BMPER: variants seen among roughly 807,000 people sequenced by gnomAD.
BMPER encodes BMP binding endothelial regulator.
A neutral mutation model predicts 87.3 loss-of-function variants in BMPER; 45 were observed. The observed-to-expected ratio is 0.52, with a 90% CI of 0.41 to 0.66. BMPER has a LOEUF of 0.66. Ranked by LOEUF, BMPER falls within the 30% of genes least tolerant of loss-of-function variation. The probability of loss-of-function intolerance (pLI) is 0.00; values close to 1 mark genes in which losing one functional copy is unlikely to be tolerated. For missense variants in BMPER, 784 were observed against 867.5 expected, an observed-to-expected ratio of 0.90 and a Z score of 1.21; for synonymous variants, 326 against 316.2, an observed-to-expected ratio of 1.03 and a Z score of -0.33.
At chr7:33,928,914 C>T (rs986789639) in intron 2 of BMPER, among the ~76,000 whole-genome samples, 4 of 152,128 alleles carry the variant, frequency 2.6e-5, no homozygotes, top group South Asian at 2.1e-4. Flanking sequence ...CTAAAAGACA[C>T]GATTCTGGCC....
chr7:33,951,328 G>A (rs762642897), intron 3 of BMPER, among the ~76,000 whole-genome samples: 2 of 152,120 alleles, frequency 1.3e-5, no homozygotes, highest in Non-Finnish European at 2.9e-5. Flanking sequence ...GATAACAGGT[G>A]TGAGCCACTG....
intron 13 of BMPER, among the ~76,000 whole-genome samples, chr7:34,137,180 C>T (rs1562766751): frequency 6.6e-6 from 1 of 152,012 alleles, no homozygotes; most frequent in Non-Finnish European, 1.5e-5. Flanking sequence ...TCCTTTTTTT[C>T]CACCAGTCAT....
intron 6 of BMPER, among the ~76,000 whole-genome samples, chr7:34,017,911 G>T (rs1585741337): frequency 6.6e-6 from 1 of 151,064 alleles, no homozygotes; most frequent in African/African-American, 2.4e-5. Flanking sequence ...CTCTCTTCTT[G>T]GGAGATCCCA....
At chr7:34,090,126 A>G (rs1789339990) in intron 13 of BMPER, among the ~76,000 whole-genome samples, 1 of 152,246 alleles carries the variant, frequency 6.6e-6, no homozygotes, top group African/African-American at 2.4e-5. Context: ...AACCAAATGC[A>G]TTGATAACAC....
chr7:34,094,728 G>A lies in BMPER; in HGVS notation c.1745+8636G>A, dbSNP rs569236466. On this transcript the variant is annotated intron_variant, in intron 13 of 14. Coordinates refer to ENST00000649409, the MANE Select transcript of BMPER (RefSeq NM_001365308.1). ...CCCCATGTGTAAAAGGGGATGCGGAGAGGACCTACCCCATTGCTATGAGGG... is the reference window on the plus strand; with the variant it reads ...CCCCATGTGTAAAAGGGGATGCGGAAAGGACCTACCCCATTGCTATGAGGG... Among the ~76,000 whole-genome samples, 4 of 152,324 alleles carry A rather than the reference G, an allele frequency of 2.6e-5. No individual in the cohort carries two copies. In the East Asian group the frequency reaches 7.7e-4, roughly 29 times the overall value.
Position 33,970,433 on chromosome 7 carries a change from G to A in BMPER, c.493+14G>A, listed in dbSNP as rs538028123. 3 of 1,610,896 alleles carry A rather than the reference G, an allele frequency of 1.9e-6. No homozygotes were observed. Among genetic ancestry groups the A allele is most frequent in the East Asian group, 4.5e-5 (2 of 44,880 alleles). ...CCACATGTCCAGGTAACGTTCTCAG[G>A]AAGGGGAGGCTGGAAATCTCTGTGT... On this transcript the variant is annotated intron_variant, in intron 5 of 14. Transcript: ENST00000649409.
At chr7:34,082,675 A>C (rs1221717572) in intron 12 of BMPER, among the ~76,000 whole-genome samples, 1 of 152,214 alleles carries the variant, frequency 6.6e-6, no homozygotes, top group Non-Finnish European at 1.5e-5. Flanking sequence ...ATGGACCACC[A>C]GTCCACTGCA....
chr7:33,955,444 G>A (rs565159417), intron 3 of BMPER, among the ~76,000 whole-genome samples: 24 of 152,256 alleles, frequency 1.6e-4, no homozygotes, highest in African/African-American at 5.8e-4. Context: ...TTCCAGCAAA[G>A]AGCCCAGGTA....
chr7:34,094,366 T>C (rs1044810875), intron 13 of BMPER, among the ~76,000 whole-genome samples: 2 of 151,934 alleles, frequency 1.3e-5, no homozygotes, highest in Admixed American at 1.3e-4. Context: ...TAGGGTAGTG[T>C]GATGGGGTGG....
intron 13 of BMPER, among the ~76,000 whole-genome samples, chr7:34,114,166 G>A (rs1790052914): frequency 1.3e-5 from 2 of 152,270 alleles, no homozygotes; most frequent in Non-Finnish European, 2.9e-5. Context: ...ATCAACATCT[G>A]CACATGTTTT....
chr7:34,062,132 C>A, intron 11 of BMPER, 85 bp downstream of exon 11: 1 of 1,263,862 alleles, frequency 7.9e-7, no homozygotes, highest in East Asian at 2.4e-5. Flanking sequence ...GTATGTTTCC[C>A]ACACATTTTA....
At chr7:33,940,599 A>G (rs930729712) in intron 3 of BMPER, among the ~76,000 whole-genome samples, 1 of 152,136 alleles carries the variant, frequency 6.6e-6, no homozygotes, top group African/African-American at 2.4e-5. Flanking sequence ...ACAACAAAAC[A>G]ACAACAGATC....
intron 6 of BMPER, among the ~76,000 whole-genome samples, chr7:34,041,443 A>C (rs1191033931): frequency 6.6e-6 from 1 of 152,108 alleles, no homozygotes; most frequent in Non-Finnish European, 1.5e-5. Context: ...TGTAGATTAG[A>C]CTATTCTTTG....
intron 6 of BMPER, among the ~76,000 whole-genome samples, chr7:33,996,207 A>G (rs558321521): frequency 6.6e-6 from 1 of 152,322 alleles, no homozygotes; most frequent in South Asian, 2.1e-4. Flanking sequence ...GGAGCCCCAG[A>G]GAGTCCCACC....
intron 13 of BMPER, among the ~76,000 whole-genome samples, chr7:34,107,423 T>C (rs1789847373): frequency 6.6e-6 from 1 of 152,216 alleles, no homozygotes; most frequent in African/African-American, 2.4e-5. Flanking sequence ...ATTAGAATGC[T>C]AATTCTCTCA....
At chr7:33,961,402 C>T (rs1785267704) in intron 3 of BMPER, among the ~76,000 whole-genome samples, 1 of 152,120 alleles carries the variant, frequency 6.6e-6, no homozygotes. Flanking sequence ...GTCTATGCAC[C>T]ATTGGTCATT....
chr7:33,966,728 A>T (rs1447625028), intron 4 of BMPER, among the ~76,000 whole-genome samples, 167 bp downstream of exon 4: 2 of 152,258 alleles, frequency 1.3e-5, no homozygotes, highest in Non-Finnish European at 2.9e-5. Context: ...CACCATAACG[A>T]GACAGGTGCA....
intron 6 of BMPER, among the ~76,000 whole-genome samples, chr7:34,028,621 T>G (rs1411275798): frequency 7.4e-6 from 1 of 135,818 alleles, no homozygotes; most frequent in Non-Finnish European, 1.6e-5. Flanking sequence ...TTTTTTTTTT[T>G]TTTTTTTTTT....
Position 34,143,198 on chromosome 7 carries a change from A to T in BMPER, c.1746-32A>T, listed in dbSNP as rs754372652. Reference sequence around the variant, plus strand: ...AGGGTGTTTATGGTTTGATATTTTTAAATGTTTCTATCTCTCTTTTGGGTC... The same window carrying T: ...AGGGTGTTTATGGTTTGATATTTTTTAATGTTTCTATCTCTCTTTTGGGTC... On this transcript the variant is annotated intron_variant, in intron 13 of 14. Coordinates refer to ENST00000649409, the MANE Select transcript of BMPER (RefSeq NM_001365308.1). 1.9e-6 allele frequency: 3 copies of T among 1,613,090 alleles called. No individual in the cohort carries two copies. In the South Asian group the frequency reaches 3.3e-5, roughly 18 times the overall value.
Sources: gnomAD v4.1 joint callset for allele counts (sites outside exome capture counted in the v4.1 genomes callset) on GRCh38, gnomAD v4.1.1 for gene constraint, MANE v1.5 for transcripts, NCBI Gene and HGNC (gene_info 2026-07-23, HGNC 2026-07-21) for gene names.